Variants in CHN2 observed in about 807,000 individuals in gnomAD.
CHN2 encodes chimerin 2.
Under a neutral mutation model 56.3 loss-of-function variants are expected in CHN2, and 35 were observed. That is an observed-to-expected ratio of 0.62 (90% CI 0.47 to 0.82). The LOEUF is 0.82. Among genes scored for constraint, CHN2 ranks in the 40% least tolerant of loss-of-function variants. The pLI, the probability that CHN2 is intolerant of heterozygous loss-of-function variation, is 0.00. For synonymous variants in CHN2, 210 were observed against 212.8 expected (o/e 0.99, Z 0.12); for missense variants, 491 against 580.5 (o/e 0.85, Z 1.58).
chr7:29,188,712 C>T (rs1355007092), intron 2 of CHN2, among the ~76,000 whole-genome samples: 1 of 152,094 alleles, frequency 6.6e-6, no homozygotes, highest in African/African-American at 2.4e-5. Context: ...AAAATGCCAG[C>T]TGTCTAGAAA....
intron 2 of CHN2, among the ~76,000 whole-genome samples, chr7:29,172,395 A>C (rs1464835809): frequency 1.3e-5 from 2 of 152,200 alleles, no homozygotes; most frequent in African/African-American, 4.8e-5. Flanking sequence ...ATCAGTGTCT[A>C]AAGTTTTCTT....
chr7:29,358,619 C>T (rs1016416396), intron 2 of CHN2, among the ~76,000 whole-genome samples: 1 of 152,042 alleles, frequency 6.6e-6, no homozygotes, highest in Admixed American at 6.6e-5. Flanking sequence ...CCCGCCACTG[C>T]GCCCGGCTAA....
At chr7:29,411,372 G>T (rs1803198863) in intron 6 of CHN2, among the ~76,000 whole-genome samples, 1 of 152,086 alleles carries the variant, frequency 6.6e-6, no homozygotes, top group African/African-American at 2.4e-5. Context: ...CCTCTCCTGG[G>T]CTTCTCCAGC....
At chr7:29,162,285 C>T (rs892584620) in intron 2 of CHN2, among the ~76,000 whole-genome samples, 3 of 152,146 alleles carry the variant, frequency 2.0e-5, no homozygotes, top group Non-Finnish European at 4.4e-5. Context: ...AATAGTTGAA[C>T]ACACAACCAT....
chr7:29,277,727 G>A (rs1791351921), intron 1 of CHN2, among the ~76,000 whole-genome samples: 1 of 152,192 alleles, frequency 6.6e-6, no homozygotes. Flanking sequence ...CTTCAAGGCA[G>A]TTTCTTACAC....
rs534836271 is a variant in CHN2 at position 29,317,170 on chromosome 7, G to C, written c.50-37455G>C. On this transcript the variant is annotated intron_variant, in intron 1 of 12. Coordinates refer to ENST00000222792, the MANE Select transcript of CHN2 (RefSeq NM_004067.4). ...TAAATTAAGTGGGCACCAAGGGATA[G>C]AAGTAGATAGGGAAGGAGGAAGTAA... Among the ~76,000 whole-genome samples, 13 of 152,316 alleles carry C rather than the reference G, an allele frequency of 8.5e-5. No individual in the cohort carries two copies. The East Asian group carries it at 2.3e-3, about 27-fold the overall frequency.
rs199767389 is a variant in CHN2 at position 29,188,531 on chromosome 7, A to AT, written c.274+41581dup. On this transcript the variant is annotated intron_variant, in intron 2 of 6. Transcript: ENST00000439384. ...AATGCCCATTTACTCTCCTTTTTTT[A>AT]TTTTTTTTTTAAAAAAAAGAGGATT... Among the ~76,000 whole-genome samples the AT allele has an allele frequency of 4.9e-3, 730 of 149,874 alleles. 2 individuals are homozygous for AT. Among genetic ancestry groups the AT allele is most frequent in the African/African-American group, 0.013 (529 of 40,898 alleles).
At chr7:29,274,993 G>A (rs2128853052) in intron 1 of CHN2, among the ~76,000 whole-genome samples, 1 of 152,204 alleles carries the variant, frequency 6.6e-6, no homozygotes, top group East Asian at 1.9e-4. Flanking sequence ...CCCTGGGTCT[G>A]GTCTCTCTTT....
In CHN2 at chr7:29,387,620, C is replaced by T. The variant is rs1412914286; in HGVS notation, c.145-6059C>T. Among the ~76,000 whole-genome samples, 2 of 152,228 alleles carry T rather than the reference C, an allele frequency of 1.3e-5. 1 individual carries two copies. The highest frequency in any genetic ancestry group is 2.9e-5 in the Non-Finnish European group (2 of 68,046). ...TCCAAGATGATGCCAATACTGCTGG[C>T]CCCGTGATCACACTCTGAGTAGCAG... On this transcript the variant is annotated intron_variant, in intron 3 of 12. Coordinates refer to ENST00000222792, the MANE Select transcript of CHN2 (RefSeq NM_004067.4).
chr7:29,239,420 C>A (rs1787473491), intron 1 of CHN2, among the ~76,000 whole-genome samples: 1 of 152,104 alleles, frequency 6.6e-6, no homozygotes, highest in Non-Finnish European at 1.5e-5. Flanking sequence ...GTTTGATATG[C>A]CCATTAGACG....
chr7:29,448,415 G>A (rs946380696), intron 6 of CHN2, among the ~76,000 whole-genome samples: 1 of 152,090 alleles, frequency 6.6e-6, no homozygotes, highest in African/African-American at 2.4e-5. Flanking sequence ...GAAACACACA[G>A]CAGCTTTCTC....
chr7:29,409,131 CCTT>C (rs1294131884), intron 6 of CHN2, among the ~76,000 whole-genome samples: 1 of 152,178 alleles, frequency 6.6e-6, no homozygotes, highest in African/African-American at 2.4e-5. Flanking sequence ...AGCCTGTGCT[CCTT>C]CTCTGCATAA....
intron 4 of CHN2, chr7:29,397,848 A>G (rs1224546382): frequency 6.6e-6 from 1 of 152,516 alleles, no homozygotes; most frequent in African/African-American, 2.4e-5. Flanking sequence ...CCCATAAGCT[A>G]TTGCTCTCCA....
chr7:29,423,889 T>C (rs1035099221), intron 6 of CHN2, among the ~76,000 whole-genome samples: 1 of 152,176 alleles, frequency 6.6e-6, no homozygotes, highest in African/African-American at 2.4e-5. Flanking sequence ...CTGCATCCTT[T>C]TTGGCTCAAA....
At position 29,232,383 on chromosome 7, in the gene CHN2, T is replaced by C. The variant is rs369178338; in HGVS notation, c.49+37393T>C. On this transcript the variant is annotated intron_variant, in intron 1 of 12. Coordinates refer to ENST00000222792, the MANE Select transcript of CHN2 (RefSeq NM_004067.4). ...CAGCTCTTATTTTCATCTTGTCAGA[T>C]TTCTTCTCATCCTTTTACGTCTACA... is the stretch of plus-strand genomic sequence containing the variant. 1.2e-4 allele frequency among the ~76,000 whole-genome samples: 19 copies of C among 152,336 alleles called. 2 individuals are homozygous for C. The highest frequency in any genetic ancestry group is 8.3e-4 in the South Asian group (4 of 4,832).
At chr7:29,310,878 A>T (rs1794548604) in intron 1 of CHN2, among the ~76,000 whole-genome samples, 1 of 152,230 alleles carries the variant, frequency 6.6e-6, no homozygotes, top group Admixed American at 6.5e-5. Flanking sequence ...ATTGGAGGTT[A>T]GGATTTCAAC....
Position 29,213,006 on chromosome 7 carries a change from G to T in CHN2, c.49+18016G>T, listed in dbSNP as rs200833692. 12 of 1,607,776 alleles carry T rather than the reference G, an allele frequency of 7.5e-6. 1 individual carries two copies. The Admixed American group carries it at 1.2e-4, about 16-fold the overall frequency. ...CCCAGTCCTGGAACAATCAGGCCTG[G>T]AACAGTCCCTTCTATAACTGTGGAG... On this transcript the variant is annotated intron_variant, in intron 1 of 12. Transcript: ENST00000222792.
At chr7:29,338,613 C>G (rs1429406411) in intron 1 of CHN2, among the ~76,000 whole-genome samples, 1 of 152,082 alleles carries the variant, frequency 6.6e-6, no homozygotes, top group African/African-American at 2.4e-5. Flanking sequence ...GAGTCTTGCT[C>G]TGTTACCCAG....
rs1055088236 is a variant in CHN2, at chr7:29,437,466, C to T, written c.576+36638C>T. ...ACAAAAAATTAGCCGGGCGTGGTGG[C>T]GGGCGCCTGTAGTCCCAGCTACTCG... On this transcript the variant is annotated intron_variant, in intron 6 of 12. Transcript: ENST00000222792. Among the ~76,000 whole-genome samples the T allele has an allele frequency of 5.9e-4, 77 of 130,966 alleles. 19 individuals carry two copies. The highest frequency in any genetic ancestry group is 3.8e-3 in the Middle Eastern group (1 of 264). The allele number at this position is 130,966 out of a possible 152,430, so 85.9% of individuals were successfully genotyped here.
Sources: gnomAD v4.1 joint callset for allele counts (sites outside exome capture counted in the v4.1 genomes callset) on GRCh38, gnomAD v4.1.1 for gene constraint, MANE v1.5 for transcripts, NCBI Gene and HGNC (gene_info 2026-07-23, HGNC 2026-07-21) for gene names.